SLC16A7: variants seen among roughly 807,000 people sequenced by gnomAD.
The protein encoded by SLC16A7 is monocarboxylate transporter 2.
A neutral mutation model predicts 34.9 loss-of-function variants in SLC16A7; 33 were observed. The observed-to-expected ratio is 0.94, with a 90% confidence interval of 0.72 to 1.26. SLC16A7 has a LOEUF of 1.26. Among genes scored for constraint, SLC16A7 ranks in the 50% most tolerant of loss-of-function variants. The pLI is 0.00. For synonymous variants in SLC16A7, 201 were observed against 206.6 expected, an observed-to-expected ratio of 0.97 and a Z score of 0.23; for missense variants, 573 against 578.1, an observed-to-expected ratio of 0.99 and a Z score of 0.09.
intron 1 of SLC16A7, among the ~76,000 whole-genome samples, chr12:59,648,292 G>T (rs1160570846): frequency 2.6e-5 from 4 of 152,084 alleles, no homozygotes; most frequent in African/African-American, 9.7e-5. Context: ...TCTATTTAAT[G>T]CAATAATTGC....
At chr12:59,688,470 C>A (rs544427512) in intron 2 of SLC16A7, among the ~76,000 whole-genome samples, 84 of 152,130 alleles carry the variant, frequency 5.5e-4, no homozygotes, top group Non-Finnish European at 1.0e-3. Context: ...ACTTTATTTT[C>A]ATTGCCTGCC....
At chr12:59,650,214 T>G (rs1868319000) in intron 1 of SLC16A7, among the ~76,000 whole-genome samples, 1 of 152,142 alleles carries the variant, frequency 6.6e-6, no homozygotes, top group Non-Finnish European at 1.5e-5. Flanking sequence ...GTAGATTTAC[T>G]TGTTTCACAA....
At chr12:59,615,875 C>G (rs1879426649) in intron 1 of SLC16A7, among the ~76,000 whole-genome samples, 1 of 152,204 alleles carries the variant, frequency 6.6e-6, no homozygotes, top group Non-Finnish European at 1.5e-5. Context: ...CTGCTGGAAC[C>G]TGTTTGTTAC....
At chr12:59,719,997 C>G in intron 3 of SLC16A7, 1 of 670,628 alleles carries the variant, frequency 1.5e-6, no homozygotes, top group South Asian at 1.6e-5. Context: ...CTGGGTCTAC[C>G]TGACTTTGAA....
intron 4 of SLC16A7, among the ~76,000 whole-genome samples, chr12:59,772,671 A>T (rs993252213): frequency 1.3e-5 from 2 of 152,176 alleles, no homozygotes; most frequent in African/African-American, 4.8e-5. Flanking sequence ...TGGGTACGTT[A>T]ACCTCCTTAT....
intron 2 of SLC16A7, among the ~76,000 whole-genome samples, chr12:59,667,391 C>T (rs983345940): frequency 7.2e-5 from 11 of 152,118 alleles, no homozygotes; most frequent in African/African-American, 2.4e-4. Flanking sequence ...ATGGCTTTGT[C>T]CAAAATGCTG....
rs1015141480 is a variant in SLC16A7, at chr12:59,704,740, A to G, written c.-30-32A>G. On this transcript the variant is annotated intron_variant, in intron 2 of 5. Coordinates refer to ENST00000547379, the MANE Select transcript of SLC16A7 (RefSeq NM_001270623.2). Reference sequence around the variant, plus strand: ...AGTGGTAAACAAAAGGGGAAATAAAATTTAAACTGTTATTTCATTATTTTA... The same window carrying G: ...AGTGGTAAACAAAAGGGGAAATAAAGTTTAAACTGTTATTTCATTATTTTA... The G allele has an allele frequency of 4.2e-6, 5 of 1,179,198 alleles. No individual in the cohort carries two copies. The African/African-American group carries it at 7.7e-5, about 18-fold the overall frequency. The allele number at this position is 1,179,198 out of a possible 1,614,324, so 73.0% of individuals were successfully genotyped here.
At chr12:59,765,649 G>A (rs1881528388) in intron 3 of SLC16A7, among the ~76,000 whole-genome samples, 1 of 152,134 alleles carries the variant, frequency 6.6e-6, no homozygotes, top group Non-Finnish European at 1.5e-5. Flanking sequence ...TTGTAGATAT[G>A]TGGCATTATT....
intron 3 of SLC16A7, among the ~76,000 whole-genome samples, chr12:59,729,787 T>A (rs764051362): frequency 6.6e-5 from 10 of 152,218 alleles, no homozygotes; most frequent in Admixed American, 4.6e-4. Flanking sequence ...GAATGTGGAA[T>A]GACGAGTTCA....
chr12:59,737,913 G>C (rs1410330051), intron 3 of SLC16A7, among the ~76,000 whole-genome samples: 2 of 152,166 alleles, frequency 1.3e-5, no homozygotes, highest in Admixed American at 1.3e-4. Flanking sequence ...CTAAACTAGA[G>C]TACACCACAC....
At chr12:59,650,151 T>C (rs185724236) in intron 1 of SLC16A7, among the ~76,000 whole-genome samples, 157 of 152,160 alleles carry the variant, frequency 1.0e-3, no homozygotes, top group African/African-American at 3.3e-3. Flanking sequence ...TTTAAAAGGG[T>C]ATAGTCTTAC....
chr12:59,765,749 T>C, intron 3 of SLC16A7, among the ~76,000 whole-genome samples: 1 of 152,198 alleles, frequency 6.6e-6, no homozygotes, highest in Admixed American at 6.5e-5. Context: ...TGTAGTATAG[T>C]TTGAAGTCAG....
intron 2 of SLC16A7, among the ~76,000 whole-genome samples, chr12:59,662,553 A>G (rs1345808842): frequency 1.3e-5 from 2 of 152,084 alleles, no homozygotes; most frequent in Non-Finnish European, 2.9e-5. Context: ...TTCTCTCCCC[A>G]GGGCTCCTGG....
At chr12:59,618,896 C>G (rs374665648) in intron 1 of SLC16A7, among the ~76,000 whole-genome samples, 7 of 151,872 alleles carry the variant, frequency 4.6e-5, no homozygotes, top group East Asian at 3.9e-4. Flanking sequence ...TTTTACTTGG[C>G]AATTGGCTGC....
In SLC16A7 at chr12:59,789,079, A is replaced by G. The variant is rs539355911; in HGVS notation, c.*9400A>G. 59 of 152,252 alleles carry G rather than the reference A, an allele frequency of 3.9e-4. 5 individuals are homozygous for G. The highest frequency in any genetic ancestry group is 1.3e-3 in the African/African-American group (56 of 41,574). 9.4% of individuals were successfully genotyped at this position (152,252 alleles called of 1,614,324 possible). On this transcript the variant is annotated 3_prime_UTR_variant, in exon 6 of 6. Transcript: ENST00000547379. ...TTATTTTGCCTACAGTTTCAAATATATTTTCAAATTCATCTCTTTCTTACT... is the reference window on the plus strand; with the variant it reads ...TTATTTTGCCTACAGTTTCAAATATGTTTTCAAATTCATCTCTTTCTTACT...
In SLC16A7 at chr12:59,774,890, G is replaced by A. The variant is rs1298356604; in HGVS notation, c.595G>A (p.Gly199Arg). 3 of 1,613,756 alleles carry A rather than the reference G, an allele frequency of 1.9e-6. No homozygotes were observed. Among genetic ancestry groups the A allele is most frequent in the South Asian group, 1.1e-5 (1 of 91,068 alleles). The change falls in exon 5 of 6, where the codon GGA becomes AGA. Residue 199 changes from glycine to arginine, a missense_variant. Transcript: ENST00000547379. ...CVAGSLMRPL[G>R]PNQTTSKSKN... is the part of the protein sequence containing the mutation. ...GGCTGGTTCCCTCATGAGACCCCTT[G>A]GACCCAATCAAACCACTTCTAAGTC...
At chr12:59,714,651 G>A (rs1009721863) in intron 3 of SLC16A7, among the ~76,000 whole-genome samples, 4 of 151,276 alleles carry the variant, frequency 2.6e-5, no homozygotes, top group Non-Finnish European at 5.9e-5. Context: ...TGCAACCTCC[G>A]CCTCCCAGGT....
At chr12:59,734,535 G>C (rs1472287020) in intron 3 of SLC16A7, among the ~76,000 whole-genome samples, 1 of 152,188 alleles carries the variant, frequency 6.6e-6, no homozygotes, top group African/African-American at 2.4e-5. Context: ...CCTGCACTGG[G>C]AAGTGTGGGT....
At chr12:59,728,173 G>A (rs372413727) in intron 3 of SLC16A7, among the ~76,000 whole-genome samples, 2 of 152,144 alleles carry the variant, frequency 1.3e-5, no homozygotes, top group East Asian at 3.9e-4. Context: ...ACAGCAACCT[G>A]AATGTTTAAA....
Sources: gnomAD v4.1 joint callset for allele counts (sites outside exome capture counted in the v4.1 genomes callset) on GRCh38, gnomAD v4.1.1 for gene constraint, MANE v1.5 for transcripts, NCBI Gene and HGNC (gene_info 2026-07-23, HGNC 2026-07-21) for gene names.